The following DNAAF5 variants were observed in gnomAD, a reference collection of about 807,000 sequenced individuals.
DNAAF5 encodes HEAT repeat containing 2.
DNAAF5 carries 64 observed loss-of-function variants against 75.8 expected under a neutral mutation model. The ratio of observed to expected loss-of-function variants is 0.84; its 90% confidence interval spans 0.69 to 1.04. The LOEUF (loss-of-function observed/expected upper bound fraction) is 1.04. Among genes scored for constraint, DNAAF5 ranks in the 50% least tolerant of loss-of-function variants. The pLI, the probability that DNAAF5 is intolerant of heterozygous loss-of-function variation, is 0.00. For synonymous variants in DNAAF5, 657 were observed against 557.2 expected (o/e 1.18, Z -2.52); for missense variants, 1,269 against 1,178.5 (o/e 1.08, Z -1.12).
intron 4 of DNAAF5, among the ~76,000 whole-genome samples, chr7:753,738 G>A (rs1013383530): frequency 6.2e-5 from 9 of 145,842 alleles, no homozygotes; most frequent in East Asian, 4.1e-4. Context: ...CTTCGCAGGC[G>A]TGTCTCTCTG....
chr7:734,528 C>T (rs1383945163), intron 2 of DNAAF5, among the ~76,000 whole-genome samples: 2 of 152,164 alleles, frequency 1.3e-5, no homozygotes, highest in Non-Finnish European at 2.9e-5. Flanking sequence ...GGGATATTGT[C>T]CTGTAGTTTT....
At chr7:753,132 T>C (rs891363972) in intron 4 of DNAAF5, among the ~76,000 whole-genome samples, 6 of 152,148 alleles carry the variant, frequency 3.9e-5, no homozygotes, top group Non-Finnish European at 7.3e-5. Context: ...TCTAAAACAG[T>C]TAAACGTGCA....
At chr7:780,229 C>T in intron 12 of DNAAF5, 85 bp downstream of exon 12, 1 of 1,317,576 alleles carries the variant, frequency 7.6e-7, no homozygotes, top group Non-Finnish European at 1.1e-6. Flanking sequence ...GTGTGACCGG[C>T]CACAGGGCCC....
In DNAAF5 at chr7:784,640, T is replaced by C. The variant is rs980469348; in HGVS notation, c.2432-877T>C. Among the ~76,000 whole-genome samples the C allele has an allele frequency of 2.8e-4, 42 of 152,174 alleles. 1 individual carries two copies. Among genetic ancestry groups the C allele is most frequent in the Admixed American group, 2.0e-4 (3 of 15,280 alleles). On this transcript the variant is annotated intron_variant, in intron 12 of 12. Coordinates refer to ENST00000297440, the MANE Select transcript of DNAAF5 (RefSeq NM_017802.4). ...CTTCCTGATTTTCATCATCGGCCAC[T>C]GCTTCCCGATGAACCCTCCGTAAGC...
intron 4 of DNAAF5, among the ~76,000 whole-genome samples, chr7:743,010 G>T (rs1328048491): frequency 2.0e-5 from 3 of 152,222 alleles, no homozygotes; most frequent in Non-Finnish European, 4.4e-5. Context: ...CCTAGTTGAG[G>T]CGCTGAAGTA....
intron 2 of DNAAF5, among the ~76,000 whole-genome samples, chr7:734,223 A>G (rs1781666665): frequency 6.6e-6 from 1 of 152,226 alleles, no homozygotes; most frequent in Non-Finnish European, 1.5e-5. Context: ...TCAGTGTGGT[A>G]CTAGCTGTGA....
At chr7:767,050 T>G (rs922741465) in intron 8 of DNAAF5, among the ~76,000 whole-genome samples, 3 of 151,868 alleles carry the variant, frequency 2.0e-5, no homozygotes, top group African/African-American at 7.3e-5. Context: ...CCATCCTGGC[T>G]AACATGATGA....
At position 741,332 on chromosome 7, in the gene DNAAF5, T is replaced by C. The variant is rs1321788105; in HGVS notation, c.906-15T>C. ...CCCTGCCCTGAGCCACTGTTGTCTG[T>C]CTGTTGTGCCTCAGGCAGCTGGCTG... On this transcript the variant is annotated splice_polypyrimidine_tract_variant and intron_variant, in intron 3 of 12. Transcript: ENST00000297440. 1 of 1,577,538 alleles carries C rather than the reference T, an allele frequency of 6.3e-7. No homozygotes were observed. The highest frequency in any genetic ancestry group is 8.6e-7 in the Non-Finnish European group (1 of 1,159,652).
rs188069417 is a variant in DNAAF5, at chr7:743,122, G to A, written c.1024+1657G>A. Among the ~76,000 whole-genome samples, 9 of 152,296 alleles carry A rather than the reference G, an allele frequency of 5.9e-5. No individual in the cohort carries two copies. In the East Asian group the frequency reaches 1.2e-3, roughly 20 times the overall value. On this transcript the variant is annotated intron_variant, in intron 4 of 12. Coordinates refer to ENST00000297440, the MANE Select transcript of DNAAF5 (RefSeq NM_017802.4). ...GCTCACGCCTGTATCCCAACTACGC[G>A]GGGGGCCAGGGTGGGAGGATCACCT...
chr7:743,038 G>A (rs1162458688), intron 4 of DNAAF5, among the ~76,000 whole-genome samples: 1 of 152,182 alleles, frequency 6.6e-6, no homozygotes, highest in African/African-American at 2.4e-5. Context: ...GTCAGGTCCT[G>A]GAGGGAAATG....
At chr7:757,145 C>T in intron 6 of DNAAF5, 151 bp downstream of exon 6, 1 of 734,236 alleles carries the variant, frequency 1.4e-6, no homozygotes, top group Non-Finnish European at 2.2e-6. Context: ...CCGCCCCGTG[C>T]CGCCAGGCCG....
rs1782661865 is a variant in DNAAF5 at position 761,951 on chromosome 7, G to C, written c.1614+55G>C. On this transcript the variant is annotated intron_variant, in intron 7 of 12. Coordinates refer to ENST00000297440, the MANE Select transcript of DNAAF5 (RefSeq NM_017802.4). ...ACCTAGCGGAGCTCACAGCTGGAAGGCATCTCTAAGTGAGGTGAACTGTCT... is the reference window on the plus strand; with the variant it reads ...ACCTAGCGGAGCTCACAGCTGGAAGCCATCTCTAAGTGAGGTGAACTGTCT... 2.7e-6 allele frequency: 4 copies of C among 1,466,528 alleles called. No homozygotes were observed. In the African/African-American group the frequency reaches 5.9e-5, roughly 21 times the overall value. The allele number at this position is 1,466,528 out of a possible 1,614,324, so 90.8% of individuals were successfully genotyped here.
intron 2 of DNAAF5, among the ~76,000 whole-genome samples, chr7:738,417 G>T (rs1169823952): frequency 6.6e-6 from 1 of 152,022 alleles, no homozygotes; most frequent in African/African-American, 2.4e-5. Context: ...ATTGGTCACC[G>T]GTGCCTTATT....
At chr7:742,088 C>A (rs1781928676) in intron 4 of DNAAF5, among the ~76,000 whole-genome samples, 1 of 152,192 alleles carries the variant, frequency 6.6e-6, no homozygotes. Flanking sequence ...CCAGGTCCAG[C>A]CCCAACACAT....
intron 6 of DNAAF5, among the ~76,000 whole-genome samples, chr7:757,845 A>T (rs1782536524): frequency 6.6e-6 from 1 of 152,158 alleles, no homozygotes; most frequent in Admixed American, 6.5e-5. Flanking sequence ...CTCCGGCTCG[A>T]TCGTTTCCGG....
Position 761,854 on chromosome 7 carries a change from G to C in DNAAF5, c.1572G>C (p.Leu524=). 2 of 1,593,522 alleles carry C rather than the reference G, an allele frequency of 1.3e-6. No homozygotes were observed. Among genetic ancestry groups the C allele is most frequent in the Non-Finnish European group, 1.7e-6 (2 of 1,170,382 alleles). The change falls in exon 7 of 13, where the codon CTG becomes CTC. Residue 524 remains leucine (L), a synonymous_variant. Coordinates refer to ENST00000297440, the MANE Select transcript of DNAAF5 (RefSeq NM_017802.4). The part of the protein sequence containing the change: ...VASLQLLDVL[L]TIVALAGATG... ...GCCTGCAGCTCTTGGACGTGCTGCTGACAATAGTGGCCCTCGCAGGTGCTA... is the reference window on the plus strand; with the variant it reads ...GCCTGCAGCTCTTGGACGTGCTGCTCACAATAGTGGCCCTCGCAGGTGCTA...
chr7:738,104 A>G (rs1419855131), intron 2 of DNAAF5, among the ~76,000 whole-genome samples: 4 of 151,890 alleles, frequency 2.6e-5, no homozygotes, highest in East Asian at 1.9e-4. Context: ...CATTCTTTCT[A>G]TTCTTTTTTC....
At chr7:745,548 C>T (rs904315021) in intron 4 of DNAAF5, among the ~76,000 whole-genome samples, 19 of 152,080 alleles carry the variant, frequency 1.2e-4, no homozygotes, top group South Asian at 6.2e-4. Context: ...TCGTCACACG[C>T]GTACACACAT....
rs146014916 is a variant in DNAAF5 at position 729,844 on chromosome 7, G to T, written c.777G>T (p.Pro259=). The change falls in exon 2 of 13, where the codon CCG becomes CCT. Residue 259 remains proline, a synonymous_variant. Coordinates refer to ENST00000297440, the MANE Select transcript of DNAAF5 (RefSeq NM_017802.4). ...CTCAGCGACTGTTTGATGACGTCCCGCAGGTAACTGGTGTTTCTCCTGGAC... is the reference window on the plus strand; with the variant it reads ...CTCAGCGACTGTTTGATGACGTCCCTCAGGTAACTGGTGTTTCTCCTGGAC... ...HFAQRLFDDV[P]QVRRAVASVV... is the part of the protein sequence containing the mutation. The T allele has an allele frequency of 3.8e-5, 61 of 1,614,046 alleles. No individual in the cohort carries two copies. The African/African-American group carries it at 6.9e-4, about 18-fold the overall frequency.
Sources: allele counts gnomAD v4.1 joint callset (sites outside exome capture counted in the v4.1 genomes callset), GRCh38; gene constraint gnomAD v4.1.1; transcripts MANE v1.5; gene names NCBI Gene and HGNC (gene_info 2026-07-23, HGNC 2026-07-21).